MARCHF6: variants seen among roughly 807,000 people sequenced by gnomAD.
MARCHF6 encodes the protein E3 ubiquitin-protein ligase MARCHF6.
Under a neutral mutation model 133.7 loss-of-function variants are expected in MARCHF6, and 31 were observed. The observed-to-expected ratio is 0.23, with a 90% CI of 0.17 to 0.31. The LOEUF is 0.31. Among genes scored for constraint, MARCHF6 ranks in the 10% least tolerant of loss-of-function variants. The pLI is 1.00. For missense variants in MARCHF6, 723 were observed against 1,121.6 expected (o/e 0.64, Z 5.08); for synonymous variants, 395 against 402.5 (o/e 0.98, Z 0.22).
chr5:10,406,846 G>C (rs1390148320), intron 16 of MARCHF6, among the ~76,000 whole-genome samples: 2 of 152,142 alleles, frequency 1.3e-5, no homozygotes, highest in Non-Finnish European at 2.9e-5. Context: ...GGTAGCAAGT[G>C]GTGATTATCC....
chr5:10,364,197 T>C (rs958813353), intron 1 of MARCHF6, among the ~76,000 whole-genome samples: 3 of 152,150 alleles, frequency 2.0e-5, no homozygotes, highest in African/African-American at 7.2e-5. Flanking sequence ...ACCAAGTGTT[T>C]GTAAGGAGGT....
intron 9 of MARCHF6, among the ~76,000 whole-genome samples, chr5:10,396,575 G>C (rs1379130511): frequency 6.6e-6 from 1 of 152,170 alleles, no homozygotes; most frequent in Non-Finnish European, 1.5e-5. Context: ...TCTTTGGACG[G>C]ATCATTTAAC....
At chr5:10,412,726 C>CCACT (rs1739302165) in intron 19 of MARCHF6, among the ~76,000 whole-genome samples, 1 of 152,046 alleles carries the variant, frequency 6.6e-6, no homozygotes, top group Admixed American at 6.6e-5. Flanking sequence ...TGGGTGCATG[C>CCACT]CACTACACCT....
In MARCHF6 at chr5:10,437,645, G is replaced by A. The variant is rs1472171669; in HGVS notation, c.*3961G>A. 1 of 152,152 alleles carries A rather than the reference G, an allele frequency of 6.6e-6. No homozygotes were observed. Among genetic ancestry groups the A allele is most frequent in the Non-Finnish European group, 1.5e-5 (1 of 68,036 alleles). 9.4% of individuals were successfully genotyped at this position (152,152 alleles called of 1,614,324 possible). A position where few individuals can be genotyped will look rare whatever the true frequency, so the allele number is the denominator to read the frequency against. On this transcript the variant is annotated 3_prime_UTR_variant, in exon 26 of 26. Coordinates refer to ENST00000274140, the MANE Select transcript of MARCHF6 (RefSeq NM_005885.4). The stretch of plus-strand genomic sequence containing the variant: ...ATAGTACCTTAAATAAAAATGTAAT[G>A]ACTAATCTAAGGTCTAGGAATAACT...
At chr5:10,384,467 A>G (rs578007888) in intron 4 of MARCHF6, among the ~76,000 whole-genome samples, 1 of 152,332 alleles carries the variant, frequency 6.6e-6, no homozygotes, top group African/African-American at 2.4e-5. Flanking sequence ...AATTTTGAAC[A>G]GGTATTTCTG....
Position 10,426,342 on chromosome 5 carries a change from G to A in MARCHF6, c.2374-48G>A, listed in dbSNP as rs553353243. 140 of 1,596,104 alleles carry A rather than the reference G, an allele frequency of 8.8e-5. 1 individual carries two copies. The South Asian group carries it at 1.1e-3, about 13-fold the overall frequency. On this transcript the variant is annotated intron_variant, in intron 23 of 25. Transcript: ENST00000274140. Reference sequence around the variant, plus strand: ...GTGGAGATTGCTGTATTAACTTGGAGGAATTTGTCTTGTATCTTTGTTCTA... The same window carrying A: ...GTGGAGATTGCTGTATTAACTTGGAAGAATTTGTCTTGTATCTTTGTTCTA...
chr5:10,437,972 A>G lies in MARCHF6; in HGVS notation c.*4288A>G, dbSNP rs1422009874. 2 of 152,838 alleles carry G rather than the reference A, an allele frequency of 1.3e-5. No individual in the cohort carries two copies. The highest frequency in any genetic ancestry group is 2.9e-5 in the Non-Finnish European group (2 of 68,034). The allele number at this position is 152,838 out of a possible 1,614,324, so 9.5% of individuals were successfully genotyped here. A position where few individuals can be genotyped will look rare whatever the true frequency, so the allele number is the denominator to read the frequency against. ...TAGGAAGGAAAAACAACTCCAGTTA[A>G]ATGTGACTGTGGCGACTCCCTTTTA... On this transcript the variant is annotated 3_prime_UTR_variant, in exon 26 of 26. Coordinates refer to ENST00000274140, the MANE Select transcript of MARCHF6 (RefSeq NM_005885.4).
At chr5:10,403,597 C>CA in intron 15 of MARCHF6, 56 bp downstream of exon 15, 1 of 1,485,666 alleles carries the variant, frequency 6.7e-7, no homozygotes, top group East Asian at 2.3e-5. Context: ...CTTTTGCTTT[C>CA]ACCACCAGTC....
chr5:10,405,015 G>C (rs1172559780), intron 15 of MARCHF6, among the ~76,000 whole-genome samples: 1 of 152,146 alleles, frequency 6.6e-6, no homozygotes, highest in East Asian at 1.9e-4. Context: ...CAGAACCTTA[G>C]AAATCACACA....
chr5:10,378,934 T>C (rs938557438), intron 3 of MARCHF6, 102 bp downstream of exon 3: 16 of 650,452 alleles, frequency 2.5e-5, no homozygotes, highest in Non-Finnish European at 4.2e-5. Flanking sequence ...ATAAAAGTGC[T>C]TAAGCACTTT....
At chr5:10,417,438 T>G in intron 22 of MARCHF6, 34 bp downstream of exon 22, 1 of 1,611,334 alleles carries the variant, frequency 6.2e-7, no homozygotes, top group Non-Finnish European at 8.5e-7. Context: ...GTTATTTCAT[T>G]AAGGATTTGA....
At chr5:10,414,539 T>C (rs373871647) in intron 20 of MARCHF6, 37 bp downstream of exon 20, 121 of 1,476,068 alleles carry the variant, frequency 8.2e-5, no homozygotes, top group Non-Finnish European at 1.1e-4. Flanking sequence ...AATAGCATCA[T>C]TAAGGTTATT....
chr5:10,387,364 G>A (rs906799352), intron 5 of MARCHF6, among the ~76,000 whole-genome samples: 12 of 149,854 alleles, frequency 8.0e-5, no homozygotes, highest in African/African-American at 3.0e-4. Flanking sequence ...GTATAATGGT[G>A]CGATCTCGGC....
At position 10,378,739 on chromosome 5, in the gene MARCHF6, G is replaced by A. The variant is rs1212947703; in HGVS notation, c.117-20G>A. ...TCTTTGCTGTAAACACTGTACTTAT[G>A]AATCTATTTATAATTACAGCTTAGT... On this transcript the variant is annotated intron_variant, in intron 2 of 25. Transcript: ENST00000274140. The A allele has an allele frequency of 7.6e-6, 11 of 1,444,384 alleles. No homozygotes were observed. Among genetic ancestry groups the A allele is most frequent in the Non-Finnish European group, 1.1e-5 (11 of 1,030,284 alleles). The allele number at this position is 1,444,384 out of a possible 1,614,324, so 89.5% of individuals were successfully genotyped here.
At chr5:10,384,960 ATAG>A (rs1363564569) in intron 4 of MARCHF6, among the ~76,000 whole-genome samples, 10 of 152,242 alleles carry the variant, frequency 6.6e-5, no homozygotes, top group African/African-American at 2.4e-4. Flanking sequence ...ATGCCTATTA[ATAG>A]TAGAATGGAT....
chr5:10,391,594 A>T lies in MARCHF6; in HGVS notation c.629A>T (p.Asn210Ile). The T allele has an allele frequency of 6.2e-7, 1 of 1,612,200 alleles. No homozygotes were observed. Among genetic ancestry groups the T allele is most frequent in the Non-Finnish European group, 8.5e-7 (1 of 1,179,312 alleles). ...AENVAADQPA[N>I]PPAENAVVGE... ...AATGTTGCTGCTGATCAGCCTGCTA[A>T]CCCACCAGCTGAGAACGCAGTGGTG... is the stretch of plus-strand genomic sequence containing the variant. The change falls in exon 7 of 26, where the codon AAC (asparagine) becomes ATC (isoleucine). Residue 210 changes from asparagine to isoleucine, a missense_variant. Coordinates refer to ENST00000274140, the MANE Select transcript of MARCHF6 (RefSeq NM_005885.4).
chr5:10,428,342 T>G (rs916684399), intron 24 of MARCHF6, among the ~76,000 whole-genome samples: 5 of 140,796 alleles, frequency 3.6e-5, no homozygotes, highest in African/African-American at 8.0e-5. Flanking sequence ...TTTTTTTTTT[T>G]TTTTTTTTTT....
At chr5:10,427,743 T>G (rs1740164809) in intron 24 of MARCHF6, among the ~76,000 whole-genome samples, 1 of 152,146 alleles carries the variant, frequency 6.6e-6, no homozygotes, top group Non-Finnish European at 1.5e-5. Flanking sequence ...TGTGCCCTTC[T>G]TTACCTTTTG....
intron 9 of MARCHF6, among the ~76,000 whole-genome samples, chr5:10,396,857 T>C (rs542191161): frequency 2.4e-4 from 37 of 152,260 alleles, no homozygotes; most frequent in Non-Finnish European, 1.2e-4. Context: ...AATAGTGACC[T>C]TGTAGGTGTC....
Sources: allele counts gnomAD v4.1 joint callset (sites outside exome capture counted in the v4.1 genomes callset), GRCh38; gene constraint gnomAD v4.1.1; transcripts MANE v1.5; gene names NCBI Gene and HGNC (gene_info 2026-07-23, HGNC 2026-07-21).